IMPG1: variants seen among roughly 807,000 people sequenced by gnomAD.
IMPG1 encodes interphotoreceptor matrix proteoglycan of 150 kDa.
IMPG1 carries 85 observed loss-of-function variants against 92.0 expected under a neutral mutation model. The observed-to-expected ratio is 0.92, with a 90% CI of 0.78 to 1.11. IMPG1 has a LOEUF of 1.11. IMPG1 is among the 50% of genes least tolerant of loss of function. The probability of loss-of-function intolerance (pLI) is 0.00; values close to 1 mark genes in which losing one functional copy is unlikely to be tolerated. For missense variants in IMPG1, 1,022 were observed against 956.0 expected (o/e 1.07, Z -0.91); for synonymous variants, 367 against 334.1 (o/e 1.10, Z -1.08).
chr6:75,964,720 T>C (rs1229482955), intron 12 of IMPG1, among the ~76,000 whole-genome samples: 1 of 138,844 alleles, frequency 7.2e-6, no homozygotes, highest in Non-Finnish European at 1.6e-5. Flanking sequence ...GAAAAAATAA[T>C]ATAGAGAGAA....
rs536811630 is a variant in IMPG1 at position 76,002,616 on chromosome 6, G to A, written c.1291+302C>T. On this transcript the variant is annotated intron_variant, in intron 12 of 16. Transcript: ENST00000369950. ...GTTTCCAAGCCCAGAGGAGATTGTT[G>A]TTCTGGGTGAGCAGCAGTTGGTGCT... Among the ~76,000 whole-genome samples the A allele has an allele frequency of 2.0e-5, 3 of 152,294 alleles. No homozygotes were observed. The South Asian group carries it at 6.2e-4, about 32-fold the overall frequency.
intron 14 of IMPG1, among the ~76,000 whole-genome samples, chr6:75,932,367 A>C (rs1157996561): frequency 6.6e-6 from 1 of 152,192 alleles, no homozygotes; most frequent in Non-Finnish European, 1.5e-5. Context: ...TTGTAGAGCA[A>C]CTCACACTGC....
At chr6:75,958,042 A>C (rs1582066853) in intron 12 of IMPG1, among the ~76,000 whole-genome samples, 1 of 152,172 alleles carries the variant, frequency 6.6e-6, no homozygotes, top group South Asian at 2.1e-4. Flanking sequence ...AGCGGCTGTT[A>C]CCAGTTGTTC....
At chr6:75,930,569 C>G (rs1166158927) in intron 15 of IMPG1, among the ~76,000 whole-genome samples, 2 of 152,082 alleles carry the variant, frequency 1.3e-5, no homozygotes, top group Non-Finnish European at 2.9e-5. Flanking sequence ...CAGGAAAAAT[C>G]AAATTTTATG....
intron 12 of IMPG1, among the ~76,000 whole-genome samples, chr6:75,995,060 A>G (rs1343834469): frequency 1.3e-5 from 2 of 152,228 alleles, no homozygotes; most frequent in Non-Finnish European, 1.5e-5. Context: ...ATGAGCCTGT[A>G]CAGACATTAT....
chr6:75,995,762 G>T (rs1782889123), intron 12 of IMPG1, among the ~76,000 whole-genome samples: 2 of 152,194 alleles, frequency 1.3e-5, no homozygotes, highest in Admixed American at 1.3e-4. Flanking sequence ...GAGCTTCAGT[G>T]GTCACGGGGT....
At chr6:76,048,336 G>C (rs139973287) in intron 1 of IMPG1, among the ~76,000 whole-genome samples, 1 of 152,102 alleles carries the variant, frequency 6.6e-6, no homozygotes, top group Non-Finnish European at 1.5e-5. Flanking sequence ...CAGATTTCTG[G>C]TACCTTCTTG....
chr6:76,014,380 A>G (rs938860536), intron 7 of IMPG1, among the ~76,000 whole-genome samples: 1 of 152,182 alleles, frequency 6.6e-6, no homozygotes, highest in Non-Finnish European at 1.5e-5. Context: ...TGTAGAGGTC[A>G]GGGGCAGAAG....
intron 12 of IMPG1, among the ~76,000 whole-genome samples, chr6:75,987,421 A>G (rs1457193638): frequency 6.6e-6 from 1 of 151,172 alleles, no homozygotes; most frequent in Admixed American, 6.6e-5. Flanking sequence ...CGTCATTTAC[A>G]TTAGGTATAT....
chr6:75,955,084 T>G (rs2149459256), intron 12 of IMPG1, among the ~76,000 whole-genome samples: 1 of 152,350 alleles, frequency 6.6e-6, no homozygotes, highest in South Asian at 2.1e-4. Context: ...TAGAATTATC[T>G]TAGCCATACA....
intron 4 of IMPG1, among the ~76,000 whole-genome samples, chr6:76,033,752 T>C (rs1359854005): frequency 6.6e-6 from 1 of 152,242 alleles, no homozygotes; most frequent in Non-Finnish European, 1.5e-5. Context: ...TTTGTGAGTT[T>C]AGAGTTTGAC....
chr6:75,933,213 A>C (rs1781691936), intron 14 of IMPG1, among the ~76,000 whole-genome samples: 1 of 152,220 alleles, frequency 6.6e-6, no homozygotes, highest in Non-Finnish European at 1.5e-5. Context: ...AGTAGATGCC[A>C]TTGTCTAGAA....
At chr6:75,976,909 TAAA>T (rs35200516) in intron 12 of IMPG1, among the ~76,000 whole-genome samples, 3 of 138,576 alleles carry the variant, frequency 2.2e-5, no homozygotes, top group African/African-American at 5.5e-5. Flanking sequence ...GATTCCGTCT[TAAA>T]AAAAAAAAAA....
chr6:75,987,874 C>T (rs929190057), intron 12 of IMPG1, among the ~76,000 whole-genome samples: 9 of 152,098 alleles, frequency 5.9e-5, no homozygotes, highest in Non-Finnish European at 1.2e-4. Context: ...GTTTCGATCT[C>T]CTGACCTCGT....
intron 1 of IMPG1, among the ~76,000 whole-genome samples, chr6:76,042,955 G>T (rs1033695842): frequency 6.6e-6 from 1 of 151,908 alleles, no homozygotes; most frequent in African/African-American, 2.4e-5. Context: ...TTACTACATC[G>T]ATGAAACATA....
intron 1 of IMPG1, among the ~76,000 whole-genome samples, chr6:76,068,808 C>T (rs1784355084): frequency 6.6e-6 from 1 of 151,902 alleles, no homozygotes; most frequent in South Asian, 2.1e-4. Context: ...TGAGCCAACG[C>T]ACCAGGAAAT....
intron 10 of IMPG1, among the ~76,000 whole-genome samples, 179 bp downstream of exon 10, chr6:76,005,108 C>T (rs2149477520): frequency 6.6e-6 from 1 of 152,256 alleles, no homozygotes. Flanking sequence ...ACCAAAGACT[C>T]ATCAAATGAG....
intron 1 of IMPG1, among the ~76,000 whole-genome samples, chr6:76,049,088 C>T (rs1933481): frequency 0.99 from 150,471 of 152,278 alleles, 74,367 homozygotes; most frequent in East Asian, 1. Flanking sequence ...CTTAGCAAAG[C>T]AATGCAGGAA....
At chr6:76,035,721 C>CCT (rs1282235543) in intron 2 of IMPG1, among the ~76,000 whole-genome samples, 1 of 152,174 alleles carries the variant, frequency 6.6e-6, no homozygotes, top group Non-Finnish European at 1.5e-5. Context: ...TAAAGACACA[C>CCT]CTCTTTGTTA....
Sources: allele counts gnomAD v4.1 joint callset (sites outside exome capture counted in the v4.1 genomes callset), GRCh38; gene constraint gnomAD v4.1.1; transcripts MANE v1.5; gene names NCBI Gene and HGNC (gene_info 2026-07-23, HGNC 2026-07-21).